NRXN3: variants seen among roughly 807,000 people sequenced by gnomAD.
NRXN3 encodes neurexin 3, also known as neurexin III.
In NRXN3, 32 loss-of-function variants were observed where a neutral mutation model predicts 137.6. The ratio of observed to expected loss-of-function variants is 0.23; its 90% CI spans 0.18 to 0.31. NRXN3 has a LOEUF of 0.31. Ranked by LOEUF, NRXN3 falls within the 10% of genes least tolerant of loss-of-function variation. NRXN3 has a pLI of 1.00. For missense variants in NRXN3, 1,574 were observed against 2,062.5 expected (o/e 0.76, Z 4.59); for synonymous variants, 798 against 784.5 (o/e 1.02, Z -0.29).
chr14:79,611,658 T>A (rs1219942426), intron 16 of NRXN3: 1 of 152,192 alleles, frequency 6.6e-6, no homozygotes, highest in Non-Finnish European at 1.5e-5. Context: ...GTACTGGAAG[T>A]TGAGGAGGAC....
chr14:78,455,568 T>C (rs1431850517), intron 4 of NRXN3, among the ~76,000 whole-genome samples: 1 of 152,224 alleles, frequency 6.6e-6, no homozygotes, highest in Non-Finnish European at 1.5e-5. Context: ...GAGTTCTTAA[T>C]GAAGATGTTA....
At chr14:79,787,009 C>A (rs542730786) in intron 19 of NRXN3, among the ~76,000 whole-genome samples, 1 of 152,306 alleles carries the variant, frequency 6.6e-6, no homozygotes, top group East Asian at 1.9e-4. Context: ...AGAAGCAAAA[C>A]CCCAAATCTC....
chr14:79,193,854 A>T (rs1373146746), intron 15 of NRXN3, among the ~76,000 whole-genome samples: 2 of 152,254 alleles, frequency 1.3e-5, no homozygotes, highest in Non-Finnish European at 2.9e-5. Flanking sequence ...AGTATGGAAT[A>T]GTTTACCTCT....
At chr14:79,292,664 A>T (rs1164335537) in intron 15 of NRXN3, among the ~76,000 whole-genome samples, 2 of 152,224 alleles carry the variant, frequency 1.3e-5, no homozygotes, top group Admixed American at 1.3e-4. Flanking sequence ...ATATGGTAGT[A>T]GTTCTTTAAA....
chr14:78,494,685 T>A (rs1047967483), intron 4 of NRXN3, among the ~76,000 whole-genome samples: 10 of 152,166 alleles, frequency 6.6e-5, no homozygotes, highest in African/African-American at 2.4e-4. Context: ...CCTGCCCTGA[T>A]TCAGATAGAG....
At chr14:79,671,035 G>A (rs1018417159) in intron 17 of NRXN3, among the ~76,000 whole-genome samples, 8 of 152,230 alleles carry the variant, frequency 5.3e-5, no homozygotes, top group East Asian at 1.9e-4. Context: ...GCCATTCACC[G>A]TCTCTCAGCC....
intron 15 of NRXN3, among the ~76,000 whole-genome samples, chr14:79,182,842 A>C (rs1417690409): frequency 6.6e-6 from 1 of 152,232 alleles, no homozygotes; most frequent in Non-Finnish European, 1.5e-5. Flanking sequence ...TCTACAAGAA[A>C]TTATAAAATC....
rs2092593259 is a variant in NRXN3, at chr14:79,341,216, T to C, written c.3263-126005T>C. On this transcript the variant is annotated intron_variant, in intron 15 of 20. Transcript: ENST00000335750. ...GCACTATAACTACATTTTTAACATT[T>C]ACAGGTAGGGCGGTGGAGCTCTTCA... Among the ~76,000 whole-genome samples, 3 of 152,164 alleles carry C rather than the reference T, an allele frequency of 2.0e-5. No homozygotes were observed. In the South Asian group the frequency reaches 6.2e-4, roughly 32 times the overall value.
At chr14:79,769,167 C>G (rs550865869) in intron 19 of NRXN3, among the ~76,000 whole-genome samples, 4,954 of 129,060 alleles carry the variant, frequency 0.038, 176 homozygotes, top group Middle Eastern at 0.12. Context: ...TGAAAGTGAC[C>G]GGGAGAATGG....
intron 16 of NRXN3, among the ~76,000 whole-genome samples, chr14:79,468,330 T>TA (rs1403502899): frequency 6.6e-6 from 1 of 152,224 alleles, no homozygotes; most frequent in Non-Finnish European, 1.5e-5. Context: ...TAAAGAGAGA[T>TA]ATGATTCTCA....
intron 8 of NRXN3, among the ~76,000 whole-genome samples, chr14:78,764,888 C>T (rs958110737): frequency 6.6e-6 from 1 of 152,186 alleles, no homozygotes; most frequent in African/African-American, 2.4e-5. Context: ...ATGTGCCAAC[C>T]TCCCCAGCCT....
At chr14:78,475,562 G>T (rs1294874352) in intron 4 of NRXN3, among the ~76,000 whole-genome samples, 1 of 152,188 alleles carries the variant, frequency 6.6e-6, no homozygotes, top group Admixed American at 6.5e-5. Flanking sequence ...GCATTAATGA[G>T]TGTCTGACTG....
rs548770457 is a variant in NRXN3 at position 78,973,576 on chromosome 14, G to A, written c.3142+5230G>A. Among the ~76,000 whole-genome samples the A allele has an allele frequency of 1.5e-4, 23 of 152,292 alleles. 1 individual carries two copies. The South Asian group carries it at 4.8e-3, about 32-fold the overall frequency. Reference sequence around the variant, plus strand: ...GGAAAAAAGTACTCTTGAGGAAGAAGATGATCTGTCATTTTAATCCTGAAT... The same window carrying A: ...GGAAAAAAGTACTCTTGAGGAAGAAAATGATCTGTCATTTTAATCCTGAAT... On this transcript the variant is annotated intron_variant, in intron 14 of 20. Coordinates refer to ENST00000335750, the MANE Select transcript of NRXN3 (RefSeq NM_001330195.2).
intron 15 of NRXN3, among the ~76,000 whole-genome samples, chr14:79,259,647 C>CTA (rs2077291547): frequency 7.1e-6 from 1 of 140,552 alleles, no homozygotes; most frequent in Non-Finnish European, 1.5e-5. Flanking sequence ...ATATAGTTAT[C>CTA]TATATATAGC....
intron 16 of NRXN3, among the ~76,000 whole-genome samples, chr14:79,579,455 C>T (rs2097695122): frequency 1.3e-5 from 2 of 150,990 alleles, no homozygotes; most frequent in South Asian, 4.2e-4. Context: ...ACTCCTTCAA[C>T]GAATGCATGT....
intron 15 of NRXN3, among the ~76,000 whole-genome samples, chr14:79,402,817 A>G (rs1275358786): frequency 1.3e-5 from 2 of 152,212 alleles, no homozygotes; most frequent in African/African-American, 2.4e-5. Flanking sequence ...GTGCTATGCT[A>G]GGTGCTGCTG....
At chr14:78,888,982 A>G (rs1197138513) in intron 10 of NRXN3, among the ~76,000 whole-genome samples, 2 of 151,892 alleles carry the variant, frequency 1.3e-5, no homozygotes. Flanking sequence ...TTTCTCATCT[A>G]TAAGATGGGA....
At chr14:78,190,348 T>A (rs2060600423) in intron 1 of NRXN3, among the ~76,000 whole-genome samples, 1 of 151,922 alleles carries the variant, frequency 6.6e-6, no homozygotes, top group South Asian at 2.1e-4. Flanking sequence ...ACAACAAAAT[T>A]CAGAAAACAG....
chr14:79,354,466 G>A (rs1185168125), intron 15 of NRXN3, among the ~76,000 whole-genome samples: 2 of 152,040 alleles, frequency 1.3e-5, no homozygotes, highest in East Asian at 1.9e-4. Flanking sequence ...GAAACCTGAG[G>A]AGTTACTTGA....
Sources: allele counts gnomAD v4.1 joint callset (sites outside exome capture counted in the v4.1 genomes callset), GRCh38; gene constraint gnomAD v4.1.1; transcripts MANE v1.5; gene names NCBI Gene and HGNC (gene_info 2026-07-23, HGNC 2026-07-21).